The following MEGF11 variants were observed in gnomAD, a reference collection of about 807,000 sequenced individuals.
MEGF11 encodes the protein multiple epidermal growth factor-like domains protein 11.
In MEGF11, 126 loss-of-function variants were observed where a neutral mutation model predicts 146.6. That is an observed-to-expected ratio of 0.86 (90% CI 0.74 to 1.00). The LOEUF is 1.00. Ranked by LOEUF, MEGF11 falls within the 50% of genes least tolerant of loss-of-function variation. The pLI, the probability that MEGF11 is intolerant of heterozygous loss-of-function variation, is 0.00. For missense variants in MEGF11, 1,509 were observed against 1,521.2 expected, an observed-to-expected ratio of 0.99 and a Z score of 0.13; for synonymous variants, 532 against 583.4, an observed-to-expected ratio of 0.91 and a Z score of 1.27.
intron 23 of MEGF11, among the ~76,000 whole-genome samples, chr15:65,908,556 C>A (rs1396631481): frequency 1.3e-5 from 2 of 152,180 alleles, no homozygotes; most frequent in African/African-American, 2.4e-5. Context: ...CTCTCCAGAT[C>A]CCTGTTTGAC....
intron 6 of MEGF11, 59 bp from the exon 7 acceptor site, chr15:65,980,957 C>T: frequency 1.3e-6 from 2 of 1,482,770 alleles, no homozygotes; most frequent in Non-Finnish European, 1.8e-6. Context: ...GGCAGGGCCC[C>T]AGTGCTCCAG....
intron 5 of MEGF11, among the ~76,000 whole-genome samples, chr15:66,049,462 T>C (rs772702780): frequency 3.9e-5 from 6 of 152,190 alleles, no homozygotes; most frequent in Admixed American, 2.0e-4. Flanking sequence ...GGGGGAACTA[T>C]TGACATTTAG....
chr15:66,036,204 A>G (rs2083720328), intron 5 of MEGF11, among the ~76,000 whole-genome samples: 1 of 152,262 alleles, frequency 6.6e-6, no homozygotes, highest in Admixed American at 6.5e-5. Context: ...TCCACGCTGC[A>G]TGATTCTTCG....
chr15:66,168,334 C>T (rs1278566604), intron 1 of MEGF11, among the ~76,000 whole-genome samples: 1 of 152,158 alleles, frequency 6.6e-6, no homozygotes, highest in Non-Finnish European at 1.5e-5. Flanking sequence ...CTGATGCCCT[C>T]CAGCTCCTGC....
chr15:66,073,523 G>A (rs998664710), intron 5 of MEGF11, among the ~76,000 whole-genome samples: 5 of 152,238 alleles, frequency 3.3e-5, no homozygotes, highest in Non-Finnish European at 4.4e-5. Flanking sequence ...ACAGTCCTGA[G>A]CTGCTTCATC....
In MEGF11 at chr15:65,906,105, A is replaced by G; in HGVS notation, c.3035T>C (p.Ile1012Thr). Residue 1012 changes from isoleucine (I) to threonine (T), a missense_variant, in exon 24 of 26, where the codon ATT becomes ACT. Coordinates refer to ENST00000395614, the MANE Select transcript of MEGF11 (RefSeq NM_001385028.1). ...TCTACCTTTGAAGCCTTTGTCCATA[A>G]TGTATGTGTTCTGACGTCTATCCAT... ...CGMDRRQNTY[I>T]MDKGFKDYMK... 1 of 1,611,378 alleles carries G rather than the reference A, an allele frequency of 6.2e-7. No individual in the cohort carries two copies.
intron 1 of MEGF11, among the ~76,000 whole-genome samples, chr15:66,187,283 G>T (rs1037175743): frequency 6.6e-6 from 1 of 152,360 alleles, no homozygotes; most frequent in Middle Eastern, 3.4e-3. Flanking sequence ...ACTGATGCCA[G>T]CTCCTTTGTT....
At chr15:66,062,980 T>TG (rs1820068342) in intron 5 of MEGF11, among the ~76,000 whole-genome samples, 1 of 152,242 alleles carries the variant, frequency 6.6e-6, no homozygotes, top group Non-Finnish European at 1.5e-5. Flanking sequence ...CTTTAAATTA[T>TG]GGAAAAGAGT....
intron 1 of MEGF11, among the ~76,000 whole-genome samples, chr15:66,144,138 C>G (rs551319104): frequency 6.6e-6 from 1 of 152,306 alleles, no homozygotes; most frequent in South Asian, 2.1e-4. Context: ...CTATGCCCAC[C>G]CTGGCTGCGC....
chr15:66,177,381 A>G (rs1305848189), intron 1 of MEGF11, among the ~76,000 whole-genome samples: 1 of 152,084 alleles, frequency 6.6e-6, no homozygotes, highest in Non-Finnish European at 1.5e-5. Flanking sequence ...TTTCCACTGA[A>G]TTTTTTGTGT....
At chr15:66,186,263 G>A (rs1386578273) in intron 1 of MEGF11, among the ~76,000 whole-genome samples, 1 of 152,206 alleles carries the variant, frequency 6.6e-6, no homozygotes, top group East Asian at 1.9e-4. Flanking sequence ...TCTGGAGTGT[G>A]GCCCAGGAGG....
At chr15:66,200,665 G>A (rs2091134357) in intron 1 of MEGF11, among the ~76,000 whole-genome samples, 1 of 152,174 alleles carries the variant, frequency 6.6e-6, no homozygotes, top group African/African-American at 2.4e-5. Context: ...AGAGTCAAAA[G>A]AGATTATACT....
intron 1 of MEGF11, among the ~76,000 whole-genome samples, chr15:66,180,939 A>G (rs753841915): frequency 5.3e-5 from 8 of 152,154 alleles, no homozygotes; most frequent in African/African-American, 1.2e-4. Context: ...TTGCATCTCA[A>G]TTGCCCTCAG....
At chr15:65,942,328 A>G (rs1199427023) in intron 10 of MEGF11, among the ~76,000 whole-genome samples, 1 of 152,196 alleles carries the variant, frequency 6.6e-6, no homozygotes, top group Non-Finnish European at 1.5e-5. Context: ...TTGACAATGA[A>G]GGCAGAAATG....
chr15:65,988,889 A>G lies in MEGF11; in HGVS notation c.395-6401T>C, dbSNP rs551756411. On this transcript the variant is annotated intron_variant, in intron 5 of 25. Coordinates refer to ENST00000395614, the MANE Select transcript of MEGF11 (RefSeq NM_001385028.1). ...TCAGCGGGGCACAAGAAGAGCTGTC[A>G]GCAGTGCTGTTGAAGGTGACTGGCC... Among the ~76,000 whole-genome samples, 12 of 152,308 alleles carry G rather than the reference A, an allele frequency of 7.9e-5. No homozygotes were observed. The South Asian group carries it at 2.3e-3, about 29-fold the overall frequency.
intron 5 of MEGF11, among the ~76,000 whole-genome samples, chr15:66,034,753 T>TCACA (rs2083661146): frequency 1.4e-4 from 22 of 152,220 alleles, no homozygotes; most frequent in Non-Finnish European, 2.9e-4. Context: ...CCCCAAAAGT[T>TCACA]TATGTGTTGG....
At chr15:66,132,107 C>T (rs907314453) in intron 1 of MEGF11, among the ~76,000 whole-genome samples, 5 of 152,192 alleles carry the variant, frequency 3.3e-5, no homozygotes, top group Admixed American at 6.5e-5. Flanking sequence ...GCTTCTGCTC[C>T]GGCCTGGATC....
intron 7 of MEGF11, among the ~76,000 whole-genome samples, chr15:65,974,995 G>A (rs1283998973): frequency 5.9e-5 from 9 of 152,006 alleles, no homozygotes; most frequent in Non-Finnish European, 8.8e-5. Context: ...ACAGGTGCCC[G>A]CCACCACGCC....
At chr15:66,241,241 G>C (rs1567295950) in intron 1 of MEGF11, among the ~76,000 whole-genome samples, 1 of 152,222 alleles carries the variant, frequency 6.6e-6, no homozygotes, top group Non-Finnish European at 1.5e-5. Context: ...TGTCCCCCAA[G>C]CTGGAGGCCC....
Sources: gnomAD v4.1 joint callset for allele counts (sites outside exome capture counted in the v4.1 genomes callset) on GRCh38, gnomAD v4.1.1 for gene constraint, MANE v1.5 for transcripts, NCBI Gene and HGNC (gene_info 2026-07-23, HGNC 2026-07-21) for gene names.